Variants in RGL1 observed in about 807,000 individuals in gnomAD.
RGL1 encodes ral guanine nucleotide dissociation stimulator-like 1.
In RGL1, 24 loss-of-function variants were observed where a neutral mutation model predicts 95.2. The observed-to-expected ratio is 0.25, with a 90% confidence interval of 0.18 to 0.35. The LOEUF (loss-of-function observed/expected upper bound fraction) is 0.35. Ranked by LOEUF, RGL1 falls within the 10% of genes least tolerant of loss-of-function variation. RGL1 has a pLI of 1.00. For missense variants in RGL1, 715 were observed against 936.3 expected, an observed-to-expected ratio of 0.76 and a Z score of 3.08; for synonymous variants, 329 against 344.9, an observed-to-expected ratio of 0.95 and a Z score of 0.51.
At chr1:183,871,501 G>A (rs1409668433) in intron 4 of RGL1, among the ~76,000 whole-genome samples, 1 of 152,158 alleles carries the variant, frequency 6.6e-6, no homozygotes, top group Non-Finnish European at 1.5e-5. Context: ...TGGGGACAGG[G>A]ACTCACTATT....
intron 3 of RGL1, among the ~76,000 whole-genome samples, chr1:183,858,076 A>C (rs1370139119): frequency 6.6e-6 from 1 of 152,126 alleles, no homozygotes; most frequent in East Asian, 1.9e-4. Flanking sequence ...CCTTTTTTTG[A>C]AAAGAATATA....
At chr1:183,785,616 C>T (rs1203741363) in intron 2 of RGL1, among the ~76,000 whole-genome samples, 1 of 152,162 alleles carries the variant, frequency 6.6e-6, no homozygotes, top group Non-Finnish European at 1.5e-5. Context: ...AGCATAATAG[C>T]TGCTTGCATG....
intron 5 of RGL1, among the ~76,000 whole-genome samples, chr1:183,881,307 A>T (rs1326380500): frequency 6.6e-6 from 1 of 152,216 alleles, no homozygotes; most frequent in Non-Finnish European, 1.5e-5. Context: ...GTCCTTCAGT[A>T]TGGAAAAGCA....
chr1:183,875,973 T>C (rs558071296), intron 4 of RGL1, among the ~76,000 whole-genome samples: 1 of 152,140 alleles, frequency 6.6e-6, no homozygotes, highest in Non-Finnish European at 1.5e-5. Context: ...TTAAGTCCTC[T>C]ACAAGTGTTT....
intron 1 of RGL1, among the ~76,000 whole-genome samples, chr1:183,729,662 AAG>A (rs1364374616): frequency 1.3e-5 from 2 of 152,344 alleles, no homozygotes; most frequent in East Asian, 1.9e-4. Context: ...TGTCCACAAA[AAG>A]AGTTGTACAC....
At chr1:183,802,012 A>ACAAAC (rs1449666818), upstream of RGL1, among the ~76,000 whole-genome samples, 1 of 152,240 alleles carries the variant, frequency 6.6e-6, no homozygotes, top group East Asian at 1.9e-4. Context: ...GAGGGGTCAA[A>ACAAAC]CAAACCAAAC....
At chr1:183,728,416 T>C (rs1558175608) in intron 1 of RGL1, among the ~76,000 whole-genome samples, 1 of 152,126 alleles carries the variant, frequency 6.6e-6, no homozygotes, top group Non-Finnish European at 1.5e-5. Context: ...GTTCTGCTCC[T>C]CTGGAGAACC....
rs542636969 is a variant in RGL1, at chr1:183,928,340, G to T, written c.*2048G>T. On this transcript the variant is annotated 3_prime_UTR_variant, in exon 18 of 18. Coordinates refer to ENST00000360851, the MANE Select transcript of RGL1 (RefSeq NM_001297671.3). Reference sequence around the variant, plus strand: ...TTTTTAAAGACAATGGAAATTCCAAGTAGCTAAAACTTAGCTTCATTTATT... The same window carrying T: ...TTTTTAAAGACAATGGAAATTCCAATTAGCTAAAACTTAGCTTCATTTATT... 3.9e-5 allele frequency: 6 copies of T among 152,502 alleles called. No individual in the cohort carries two copies. Among genetic ancestry groups the T allele is most frequent in the African/African-American group, 1.2e-4 (5 of 41,468 alleles). 9.4% of individuals were successfully genotyped at this position (152,502 alleles called of 1,614,324 possible).
At chr1:183,796,539 G>A (rs950408473) in intron 2 of RGL1, among the ~76,000 whole-genome samples, 3 of 152,116 alleles carry the variant, frequency 2.0e-5, no homozygotes, top group African/African-American at 7.2e-5. Flanking sequence ...AGAAGAAATA[G>A]GCTTAGAGGT....
intron 11 of RGL1, among the ~76,000 whole-genome samples, chr1:183,901,397 G>A (rs1036876495): frequency 1.3e-5 from 2 of 152,164 alleles, no homozygotes; most frequent in African/African-American, 4.8e-5. Context: ...TGAGGCAGGA[G>A]AATCACTTGA....
At chr1:183,847,894 G>C in intron 3 of RGL1, 120 bp downstream of exon 3, 1 of 717,948 alleles carries the variant, frequency 1.4e-6, no homozygotes, top group Admixed American at 2.6e-5. Context: ...AAAGATTAAC[G>C]GGAAGGGATG....
At chr1:183,720,485 C>T (rs1377418985) in intron 1 of RGL1, among the ~76,000 whole-genome samples, 2 of 152,230 alleles carry the variant, frequency 1.3e-5, no homozygotes, top group East Asian at 1.9e-4. Context: ...ACTGACCCAG[C>T]GGTGCTGCCA....
At chr1:183,741,239 A>T (rs4489521) in intron 1 of RGL1, among the ~76,000 whole-genome samples, 70,619 of 152,018 alleles carry the variant, frequency 0.46, 17,303 homozygotes, top group East Asian at 0.8. Context: ...TTTTAGGTAG[A>T]TGGAACATCA....
chr1:183,906,253 G>T (rs760174020), intron 13 of RGL1, among the ~76,000 whole-genome samples: 1 of 152,158 alleles, frequency 6.6e-6, no homozygotes, highest in Admixed American at 6.5e-5. Flanking sequence ...CACCTACTCA[G>T]TAACGAAATA....
intron 2 of RGL1, among the ~76,000 whole-genome samples, chr1:183,812,873 G>C (rs1044642183): frequency 1.3e-5 from 2 of 152,200 alleles, no homozygotes; most frequent in South Asian, 4.1e-4. Flanking sequence ...AAGGGAACCC[G>C]GTGGGAAAGG....
chr1:183,802,589 A>G (rs796836598), upstream of RGL1, among the ~76,000 whole-genome samples: 3 of 104,968 alleles, frequency 2.9e-5, no homozygotes, highest in African/African-American at 1.1e-4. Flanking sequence ...CTTTCTATTT[A>G]GGTGTATCAG....
intron 1 of RGL1, among the ~76,000 whole-genome samples, chr1:183,657,705 G>T (rs1015828556): frequency 1.3e-5 from 2 of 150,920 alleles, no homozygotes; most frequent in African/African-American, 2.5e-5. Flanking sequence ...GGACATTTGG[G>T]TTGGTTCCAA....
rs757414593 is a variant in RGL1, at chr1:183,806,412, G to T, written c.65G>T (p.Gly22Val). The change falls in exon 2 of 18, where the codon GGA becomes GTA. Residue 22 changes from glycine to valine, a missense_variant. Transcript: ENST00000360851. ...IQDWGEEVEEGAVYHVTLKRV... is the reference protein window; with the variant it reads ...IQDWGEEVEEVAVYHVTLKRV... Reference sequence around the variant, plus strand: ...GACTGGGGTGAAGAGGTAGAGGAAGGAGCTGTTTACCATGTCACCCTCAAA... The same window carrying T: ...GACTGGGGTGAAGAGGTAGAGGAAGTAGCTGTTTACCATGTCACCCTCAAA... 30 of 1,613,888 alleles carry T rather than the reference G, an allele frequency of 1.9e-5. No homozygotes were observed. In the Admixed American group the frequency reaches 4.8e-4, roughly 26 times the overall value.
chr1:183,778,307 A>G (rs1659705916), intron 2 of RGL1, among the ~76,000 whole-genome samples: 1 of 152,210 alleles, frequency 6.6e-6, no homozygotes, highest in Admixed American at 6.5e-5. Context: ...AGTAAAGAAG[A>G]AAAGGGGCTC....
Sources: allele counts gnomAD v4.1 joint callset (sites outside exome capture counted in the v4.1 genomes callset), GRCh38; gene constraint gnomAD v4.1.1; transcripts MANE v1.5; gene names NCBI Gene and HGNC (gene_info 2026-07-23, HGNC 2026-07-21).